CLEC16A: variants seen among roughly 807,000 people sequenced by gnomAD.
CLEC16A encodes C-type lectin domain containing 16A, also known as protein CLEC16A.
CLEC16A carries 51 observed loss-of-function variants against 109.5 expected under a neutral mutation model. The observed-to-expected ratio is 0.47, with a 90% CI of 0.37 to 0.59. CLEC16A has a LOEUF of 0.59. Among genes scored for constraint, CLEC16A ranks in the 20% least tolerant of loss-of-function variants. The pLI is 0.00. For missense variants in CLEC16A, 1,339 were observed against 1,394.0 expected, an observed-to-expected ratio of 0.96 and a Z score of 0.63; for synonymous variants, 673 against 564.2, an observed-to-expected ratio of 1.19 and a Z score of -2.73.
intron 22 of CLEC16A, among the ~76,000 whole-genome samples, chr16:11,157,962 C>G (rs1056212184): frequency 6.6e-6 from 1 of 152,174 alleles, no homozygotes; most frequent in Non-Finnish European, 1.5e-5. Flanking sequence ...GGTTCTATGT[C>G]ACCTGCAGAT....
At chr16:11,094,536 G>A (rs2050493911) in intron 19 of CLEC16A, among the ~76,000 whole-genome samples, 1 of 152,200 alleles carries the variant, frequency 6.6e-6, no homozygotes, top group African/African-American at 2.4e-5. Flanking sequence ...AGCATTTACA[G>A]GCACCACCTC....
intron 21 of CLEC16A, among the ~76,000 whole-genome samples, chr16:11,125,070 C>T (rs913911472): frequency 2.6e-5 from 4 of 152,090 alleles, no homozygotes; most frequent in East Asian, 1.9e-4. Context: ...TCTTAGGAGA[C>T]GGGGTGAGAC....
intron 12 of CLEC16A, 95 bp downstream of exon 12, chr16:11,020,420 C>T (rs1186838359): frequency 2.9e-6 from 4 of 1,393,640 alleles, no homozygotes; most frequent in Non-Finnish European, 3.8e-6. Flanking sequence ...CCTCTTCTGT[C>T]CCTCAGCCCG....
intron 19 of CLEC16A, among the ~76,000 whole-genome samples, chr16:11,112,834 G>A (rs1304614485): frequency 6.6e-6 from 1 of 152,208 alleles, no homozygotes; most frequent in African/African-American, 2.4e-5. Flanking sequence ...TGGGTAAGAT[G>A]GAGACATCTG....
At chr16:10,967,302 T>A (rs2146254985) in intron 3 of CLEC16A, among the ~76,000 whole-genome samples, 1 of 152,294 alleles carries the variant, frequency 6.6e-6, no homozygotes, top group South Asian at 2.1e-4. Flanking sequence ...TTGATCGACC[T>A]CAGTTAGGTA....
intron 3 of CLEC16A, among the ~76,000 whole-genome samples, chr16:10,968,857 A>G (rs910606026): frequency 2.6e-5 from 4 of 151,634 alleles, no homozygotes; most frequent in African/African-American, 7.3e-5. Context: ...ATCTCCCCCT[A>G]CTCCCAGCTC....
At chr16:11,056,883 C>T (rs186061643) in intron 18 of CLEC16A, 8 of 152,146 alleles carry the variant, frequency 5.3e-5, no homozygotes, top group African/African-American at 1.7e-4. Context: ...TCTTTCTTTT[C>T]GTCGTAGCAC....
intron 16 of CLEC16A, 73 bp downstream of exon 16, chr16:11,044,145 T>G: frequency 7.5e-7 from 1 of 1,340,392 alleles, no homozygotes; most frequent in Non-Finnish European, 1.0e-6. Context: ...TCTGGTTCTA[T>G]GCAGATAAAC....
At chr16:10,973,744 G>C (rs1022708591) in intron 7 of CLEC16A, among the ~76,000 whole-genome samples, 1 of 151,300 alleles carries the variant, frequency 6.6e-6, no homozygotes, top group African/African-American at 2.4e-5. Flanking sequence ...TAATTTTTTT[G>C]ATTTTTAGTA....
At chr16:11,172,785 A>G (rs1436005480) in intron 23 of CLEC16A, among the ~76,000 whole-genome samples, 1 of 152,096 alleles carries the variant, frequency 6.6e-6, no homozygotes, top group Non-Finnish European at 1.5e-5. Flanking sequence ...GCTACTCGGG[A>G]GGCTGAGGCA....
At chr16:11,064,352 T>C (rs2048651839) in intron 19 of CLEC16A, among the ~76,000 whole-genome samples, 1 of 152,274 alleles carries the variant, frequency 6.6e-6, no homozygotes, top group Admixed American at 6.5e-5. Flanking sequence ...ACAGGGCCTG[T>C]GCTCACCCAT....
chr16:11,022,099 T>C (rs2046135530), intron 12 of CLEC16A, among the ~76,000 whole-genome samples: 3 of 152,326 alleles, frequency 2.0e-5, no homozygotes, highest in Admixed American at 6.5e-5. Flanking sequence ...AGCACATGGC[T>C]TCTAATGGAA....
chr16:11,134,008 C>T (rs927264410), intron 22 of CLEC16A, among the ~76,000 whole-genome samples: 8 of 152,130 alleles, frequency 5.3e-5, no homozygotes, highest in African/African-American at 1.2e-4. Flanking sequence ...TATTCTTGTT[C>T]GAGCTTCCCA....
chr16:11,082,655 C>G (rs1216557381), intron 19 of CLEC16A, among the ~76,000 whole-genome samples: 1 of 152,200 alleles, frequency 6.6e-6, no homozygotes, highest in African/African-American at 2.4e-5. Flanking sequence ...CCCTGGCGAT[C>G]AAGCTAAGCT....
chr16:11,175,616 G>T (rs1379108101), intron 23 of CLEC16A, among the ~76,000 whole-genome samples: 1 of 152,170 alleles, frequency 6.6e-6, no homozygotes, highest in Non-Finnish European at 1.5e-5. Context: ...CAACAACAAG[G>T]CCATGTCATA....
chr16:11,113,652 C>G (rs556401449), intron 19 of CLEC16A, among the ~76,000 whole-genome samples: 1 of 152,270 alleles, frequency 6.6e-6, no homozygotes, highest in East Asian at 1.9e-4. Flanking sequence ...GAGTGAGACC[C>G]TGTCTCAAAG....
intron 19 of CLEC16A, among the ~76,000 whole-genome samples, chr16:11,073,342 T>C (rs927334332): frequency 6.6e-6 from 1 of 151,874 alleles, no homozygotes; most frequent in African/African-American, 2.4e-5. Flanking sequence ...CTCCCAACCC[T>C]CCTCCAACCT....
intron 19 of CLEC16A, among the ~76,000 whole-genome samples, chr16:11,068,557 A>C (rs1341462154): frequency 6.6e-6 from 1 of 152,166 alleles, no homozygotes; most frequent in East Asian, 1.9e-4. Flanking sequence ...TGGTTACCAC[A>C]AACACAAGAT....
In CLEC16A at chr16:11,076,358, T is replaced by A. The variant is rs966878069; in HGVS notation, c.2116+15336T>A. On this transcript the variant is annotated intron_variant, in intron 19 of 23. Transcript: ENST00000409790. ...GCCAAAGCCAGCCTCCTTGACAACA[T>A]CTGGCTGACGGGGAGGGGAGGGCAG... Among the ~76,000 whole-genome samples the A allele has an allele frequency of 5.9e-5, 9 of 152,232 alleles. 1 individual carries two copies. Among genetic ancestry groups the A allele is most frequent in the Middle Eastern group, 3.4e-3 (1 of 294 alleles).
Sources: allele counts gnomAD v4.1 joint callset (sites outside exome capture counted in the v4.1 genomes callset), GRCh38; gene constraint gnomAD v4.1.1; transcripts MANE v1.5; gene names NCBI Gene and HGNC (gene_info 2026-07-23, HGNC 2026-07-21).